WWP2: variants seen among roughly 807,000 people sequenced by gnomAD.
The protein encoded by WWP2 is WW domain containing E3 ubiquitin protein ligase 2.
Under a neutral mutation model 121.0 loss-of-function variants are expected in WWP2, and 57 were observed. The ratio of observed to expected loss-of-function variants is 0.47; its 90% confidence interval spans 0.38 to 0.59. WWP2 has a LOEUF of 0.59. Among genes scored for constraint, WWP2 ranks in the 20% least tolerant of loss-of-function variants. WWP2 has a pLI of 0.00. For synonymous variants in WWP2, 449 were observed against 441.3 expected (o/e 1.02, Z -0.22); for missense variants, 962 against 1,158.9 (o/e 0.83, Z 2.47).
At chr16:69,910,180 C>A in intron 9 of WWP2, 1 of 225,618 alleles carries the variant, frequency 4.4e-6, no homozygotes, top group Non-Finnish European at 7.4e-6. Flanking sequence ...CCAAATGTCA[C>A]ATCATCTATC....
chr16:69,784,938 A>T (rs1180009698), intron 1 of WWP2, among the ~76,000 whole-genome samples: 2 of 149,786 alleles, frequency 1.3e-5, no homozygotes, highest in Non-Finnish European at 3.0e-5. Context: ...TTTTTTTTTT[A>T]AAGAAAAGAA....
chr16:69,847,795 G>T (rs2057112771), intron 6 of WWP2, among the ~76,000 whole-genome samples: 1 of 152,002 alleles, frequency 6.6e-6, no homozygotes. Context: ...ATTCATGAGG[G>T]ATCCACCCCC....
Position 69,875,050 on chromosome 16 carries a change from A to G in WWP2, c.703+3119A>G, listed in dbSNP as rs115578896. 5.1e-3 allele frequency among the ~76,000 whole-genome samples: 781 copies of G among 152,172 alleles called. 5 individuals carry two copies. The highest frequency in any genetic ancestry group is 0.018 in the African/African-American group (749 of 41,516). Reference sequence around the variant, plus strand: ...AAAAAAAAAATTACAGCAAAAGTATATATCTCATAAGTTGTCATAAGGCAT... The same window carrying G: ...AAAAAAAAAATTACAGCAAAAGTATGTATCTCATAAGTTGTCATAAGGCAT... On this transcript the variant is annotated intron_variant, in intron 7 of 23. Coordinates refer to ENST00000359154, the MANE Select transcript of WWP2 (RefSeq NM_001270454.2).
intron 6 of WWP2, among the ~76,000 whole-genome samples, chr16:69,867,878 A>G (rs1413899673): frequency 6.6e-6 from 1 of 152,170 alleles, no homozygotes; most frequent in East Asian, 1.9e-4. Context: ...GGTTGAAGTC[A>G]TGGGCAGAGC....
chr16:69,762,801 A>G (rs141702670), intron 1 of WWP2, among the ~76,000 whole-genome samples: 1 of 152,134 alleles, frequency 6.6e-6, no homozygotes, highest in African/African-American at 2.4e-5. Context: ...GTGGAGCCAG[A>G]GGGAAAAAGA....
intron 6 of WWP2, among the ~76,000 whole-genome samples, chr16:69,854,006 T>C (rs2057266029): frequency 6.6e-6 from 1 of 152,174 alleles, no homozygotes; most frequent in Admixed American, 6.5e-5. Context: ...AATGAGAACC[T>C]AACTGAAGAG....
At chr16:69,807,176 C>T (rs1008844250) in intron 4 of WWP2, among the ~76,000 whole-genome samples, 3 of 151,912 alleles carry the variant, frequency 2.0e-5, no homozygotes, top group Non-Finnish European at 4.4e-5. Context: ...GCTGGGGTTA[C>T]AGGCACACGT....
At chr16:69,841,971 C>T (rs1169527375) in intron 5 of WWP2, 53 bp from the exon 6 acceptor site, 12 of 1,548,152 alleles carry the variant, frequency 7.8e-6, no homozygotes, top group East Asian at 2.3e-5. Flanking sequence ...ATCTCAAACA[C>T]GAGTTGAGCT....
intron 8 of WWP2, among the ~76,000 whole-genome samples, chr16:69,889,430 T>C (rs7196842): frequency 0.69 from 104,294 of 152,162 alleles, 37,457 homozygotes; most frequent in East Asian, 0.94. Flanking sequence ...GTGGAGATTA[T>C]AAGCATGGAC....
chr16:69,911,681 T>C (rs1430485929), intron 9 of WWP2, among the ~76,000 whole-genome samples: 1 of 152,132 alleles, frequency 6.6e-6, no homozygotes, highest in Non-Finnish European at 1.5e-5. Flanking sequence ...GAAGTGGAAA[T>C]TCACCACAGC....
chr16:69,909,398 C>G, intron 9 of WWP2: 2 of 985,882 alleles, frequency 2.0e-6, no homozygotes, highest in Non-Finnish European at 2.4e-6. Flanking sequence ...ATGCACACTT[C>G]CCCTGCCCTG....
intron 4 of WWP2, among the ~76,000 whole-genome samples, chr16:69,808,598 C>T (rs981105871): frequency 3.3e-5 from 5 of 152,144 alleles, no homozygotes; most frequent in South Asian, 2.1e-4. Flanking sequence ...GACAGGGTTT[C>T]GCCATGTTGG....
intron 10 of WWP2, among the ~76,000 whole-genome samples, chr16:69,921,787 A>G (rs34195470): frequency 0.47 from 70,779 of 151,894 alleles, 18,314 homozygotes; most frequent in Admixed American, 0.6. Flanking sequence ...GAAACAGATT[A>G]TTTTGACTGG....
At chr16:69,846,259 G>A (rs915590775) in intron 6 of WWP2, among the ~76,000 whole-genome samples, 4 of 152,058 alleles carry the variant, frequency 2.6e-5, no homozygotes, top group African/African-American at 9.7e-5. Flanking sequence ...AAAAATGGGT[G>A]AAAAATGGTT....
At chr16:69,850,140 A>T (rs1448383094) in intron 6 of WWP2, among the ~76,000 whole-genome samples, 1 of 152,100 alleles carries the variant, frequency 6.6e-6, no homozygotes, top group African/African-American at 2.4e-5. Flanking sequence ...TAATCCCAGC[A>T]CTTTGGGAGG....
intron 13 of WWP2, 96 bp from the exon 14 acceptor site, chr16:69,931,056 A>C: frequency 8.3e-7 from 1 of 1,198,244 alleles, no homozygotes; most frequent in Non-Finnish European, 1.2e-6. Flanking sequence ...TAATCTTTAA[A>C]TTAACATAGC....
Position 69,787,024 on chromosome 16 carries a change from G to A in WWP2, c.14G>A (p.Ser5Asn), listed in dbSNP as rs936547731. The A allele has an allele frequency of 1.3e-5, 21 of 1,612,376 alleles. No individual in the cohort carries two copies. The highest frequency in any genetic ancestry group is 1.8e-5 in the Non-Finnish European group (21 of 1,179,452). Residue 5 changes from serine (S) to asparagine (N), a missense_variant, in exon 2 of 24, where the codon AGC becomes AAC. Physicochemically the swap from Ser to Asn is conservative, Grantham distance 46. Coordinates refer to ENST00000359154, the MANE Select transcript of WWP2 (RefSeq NM_001270454.2). MASA[S>N]SSRAGVALPF... ...CACGGTGATGATATGGCATCTGCCA[G>A]CTCTAGCCGGGCAGGAGTGGCCCTG... is the stretch of plus-strand genomic sequence containing the variant.
At chr16:69,782,911 T>C (rs1244288325) in intron 1 of WWP2, 1 of 151,962 alleles carries the variant, frequency 6.6e-6, no homozygotes, top group African/African-American at 2.4e-5. Flanking sequence ...GCTCACATGA[T>C]CCTCTTGCCG....
intron 4 of WWP2, among the ~76,000 whole-genome samples, chr16:69,821,183 C>T (rs964578622): frequency 2.6e-5 from 4 of 152,228 alleles, no homozygotes; most frequent in Admixed American, 2.6e-4. Flanking sequence ...TATCATCCTG[C>T]ACCTCAGGCA....
Sources: allele counts gnomAD v4.1 joint callset (sites outside exome capture counted in the v4.1 genomes callset), GRCh38; gene constraint gnomAD v4.1.1; transcripts MANE v1.5; gene names NCBI Gene and HGNC (gene_info 2026-07-23, HGNC 2026-07-21).